Variants in RNF130 observed in about 807,000 individuals in gnomAD.
RNF130 encodes the protein ring finger protein 130.
Under a neutral mutation model 44.6 loss-of-function variants are expected in RNF130, and 21 were observed. That is an observed-to-expected ratio of 0.47 (90% CI 0.33 to 0.68). RNF130 has a LOEUF of 0.68. Ranked by LOEUF, RNF130 falls within the 30% of genes least tolerant of loss-of-function variation. RNF130 has a pLI of 0.02. For synonymous variants in RNF130, 214 were observed against 210.4 expected, an observed-to-expected ratio of 1.02 and a Z score of -0.15; for missense variants, 479 against 560.6, an observed-to-expected ratio of 0.85 and a Z score of 1.47.
intron 3 of RNF130, among the ~76,000 whole-genome samples, chr5:179,999,299 G>A (rs986790195): frequency 1.3e-5 from 2 of 151,506 alleles, no homozygotes; most frequent in Admixed American, 6.6e-5. Flanking sequence ...GGGATTACAA[G>A]CGTGAGCCAC....
intron 1 of RNF130, among the ~76,000 whole-genome samples, chr5:180,057,631 G>A (rs901963364): frequency 9.2e-5 from 14 of 152,066 alleles, no homozygotes; most frequent in Non-Finnish European, 5.9e-5. Flanking sequence ...TGGGCTAGGC[G>A]TATGCCAAGA....
intron 2 of RNF130, among the ~76,000 whole-genome samples, chr5:180,020,864 A>T (rs766222130): frequency 6.6e-6 from 1 of 152,182 alleles, no homozygotes; most frequent in African/African-American, 2.4e-5. Flanking sequence ...AAGAATTTCC[A>T]GGGGTTGCCA....
At chr5:179,953,469 A>G (rs1762156695), downstream of RNF130, among the ~76,000 whole-genome samples, 1 of 152,174 alleles carries the variant, frequency 6.6e-6, no homozygotes, top group Admixed American at 6.5e-5. Context: ...CCAGACATAA[A>G]CTCATATGTC....
rs1368442981 is a variant in RNF130, at chr5:179,983,339, T to C, written c.694-3139A>G. 2.0e-5 allele frequency among the ~76,000 whole-genome samples: 3 copies of C among 151,170 alleles called. No individual in the cohort carries two copies. The East Asian group carries it at 5.8e-4, about 29-fold the overall frequency. ...TCTGTCAGGTACAGATGAACTTTTT[T>C]TTTTTTTTTTTTTTGCATATGGACA... On this transcript the variant is annotated intron_variant, in intron 3 of 8. Coordinates refer to ENST00000521389, the MANE Select transcript of RNF130 (RefSeq NM_018434.6).
At chr5:179,953,721 C>T (rs1033651928), downstream of RNF130, among the ~76,000 whole-genome samples, 5 of 152,064 alleles carry the variant, frequency 3.3e-5, no homozygotes, top group African/African-American at 1.2e-4. Flanking sequence ...CATTCTTAGA[C>T]ATCTAAAGTA....
At chr5:180,046,549 C>G (rs1315422071) in intron 1 of RNF130, among the ~76,000 whole-genome samples, 3 of 152,184 alleles carry the variant, frequency 2.0e-5, no homozygotes, top group Admixed American at 6.5e-5. Context: ...GCTGCAGGGG[C>G]AGAAGTGATA....
intron 5 of RNF130, among the ~76,000 whole-genome samples, chr5:179,975,383 G>A (rs1212174678): frequency 6.6e-6 from 1 of 152,200 alleles, no homozygotes; most frequent in East Asian, 1.9e-4. Context: ...CACCTAGTGG[G>A]TAGAGGGCCA....
intron 6 of RNF130, among the ~76,000 whole-genome samples, chr5:179,968,111 C>T (rs567754458): frequency 4.0e-5 from 6 of 151,128 alleles, no homozygotes; most frequent in South Asian, 2.1e-4. Context: ...CTGGCTAACA[C>T]GGTGAAACCC....
chr5:179,954,162 C>T (rs1230751926), downstream of RNF130, among the ~76,000 whole-genome samples: 1 of 152,184 alleles, frequency 6.6e-6, no homozygotes, highest in Non-Finnish European at 1.5e-5. Flanking sequence ...CAAAATGGTG[C>T]AGTTGCTTTG....
intron 7 of RNF130, among the ~76,000 whole-genome samples, chr5:179,966,402 C>T (rs1434120418): frequency 6.6e-6 from 1 of 152,194 alleles, no homozygotes; most frequent in African/African-American, 2.4e-5. Flanking sequence ...GAGTTTCCCA[C>T]TAAGTAGCCT....
chr5:180,027,740 C>T (rs1190148496), intron 2 of RNF130, among the ~76,000 whole-genome samples: 1 of 152,200 alleles, frequency 6.6e-6, no homozygotes, highest in Non-Finnish European at 1.5e-5. Flanking sequence ...CACTGGTTCC[C>T]TCCACACTCC....
At chr5:179,919,230 T>A (rs1761593379) in exon 8 of RNF130, 2 of 152,244 alleles carry the variant, frequency 1.3e-5, no homozygotes, top group South Asian at 4.1e-4. Flanking sequence ...TTCGATGTCA[T>A]CCCAGGTGTG....
At chr5:179,969,905 C>T (rs1013567809) in intron 6 of RNF130, among the ~76,000 whole-genome samples, 3 of 152,110 alleles carry the variant, frequency 2.0e-5, no homozygotes, top group Non-Finnish European at 2.9e-5. Context: ...GCAGGAGAAT[C>T]GCTTGAACCT....
chr5:180,012,206 G>A (rs927556199), intron 3 of RNF130, among the ~76,000 whole-genome samples: 6 of 152,148 alleles, frequency 3.9e-5, no homozygotes, highest in South Asian at 2.1e-4. Flanking sequence ...CGCTTTTTCC[G>A]CTAGAAAGAG....
chr5:179,957,708 A>G (rs867360949), intron 8 of RNF130, among the ~76,000 whole-genome samples: 7 of 152,134 alleles, frequency 4.6e-5, no homozygotes, highest in Admixed American at 2.0e-4. Context: ...TTGTGTACAT[A>G]TATCTCACAC....
intron 7 of RNF130, among the ~76,000 whole-genome samples, chr5:179,938,229 AT>A (rs1761923866): frequency 6.6e-6 from 1 of 152,142 alleles, no homozygotes; most frequent in Non-Finnish European, 1.5e-5. Context: ...AAGTACTGGG[AT>A]CACAGGCACG....
At chr5:179,966,225 G>A (rs947906525) in intron 7 of RNF130, among the ~76,000 whole-genome samples, 2 of 152,068 alleles carry the variant, frequency 1.3e-5, no homozygotes, top group African/African-American at 2.4e-5. Flanking sequence ...ACTAGCTCAC[G>A]GTATTTTTTT....
chr5:179,960,596 C>T (rs1193745436), intron 8 of RNF130, among the ~76,000 whole-genome samples: 1 of 152,238 alleles, frequency 6.6e-6, no homozygotes, highest in South Asian at 2.1e-4. Flanking sequence ...ACTGCCCTGA[C>T]ATCTTGCCCA....
intron 5 of RNF130, among the ~76,000 whole-genome samples, chr5:179,972,017 A>G (rs1383388582): frequency 3.9e-5 from 6 of 152,212 alleles, no homozygotes; most frequent in Non-Finnish European, 8.8e-5. Flanking sequence ...GAAGGCATTT[A>G]TTTAAACCTT....
Sources: gnomAD v4.1 joint callset for allele counts (sites outside exome capture counted in the v4.1 genomes callset) on GRCh38, gnomAD v4.1.1 for gene constraint, MANE v1.5 for transcripts, NCBI Gene and HGNC (gene_info 2026-07-23, HGNC 2026-07-21) for gene names.